The following BPTF variants were observed in gnomAD, a reference collection of about 807,000 sequenced individuals.
The protein encoded by BPTF is bromodomain PHD finger transcription factor, also known as nucleosome-remodeling factor subunit BPTF.
A neutral mutation model predicts 292.5 loss-of-function variants in BPTF; 18 were observed. The observed-to-expected ratio is 0.06, with a 90% CI of 0.04 to 0.09. The LOEUF (loss-of-function observed/expected upper bound fraction) is 0.09. Among genes scored for constraint, BPTF ranks in the 10% least tolerant of loss-of-function variants. BPTF has a pLI of 1.00. For synonymous variants in BPTF, 1,225 were observed against 1,251.9 expected, an observed-to-expected ratio of 0.98 and a Z score of 0.45; for missense variants, 2,726 against 3,498.7, an observed-to-expected ratio of 0.78 and a Z score of 5.57.
chr17:67,956,683 G>T (rs1201725923), intron 23 of BPTF: 1 of 149,720 alleles, frequency 6.7e-6, no homozygotes, highest in Non-Finnish European at 1.5e-5. Context: ...AAAAAAAACG[G>T]TCAGGCACAG....
chr17:67,918,669 T>C, intron 11 of BPTF, 45 bp from the exon 12 acceptor site: 1 of 1,552,044 alleles, frequency 6.4e-7, no homozygotes. Context: ...TATGTGTATG[T>C]ATATACATAT....
intron 15 of BPTF, among the ~76,000 whole-genome samples, chr17:67,926,316 CTTTTT>C (rs869295387): frequency 1.2e-5 from 1 of 83,856 alleles, no homozygotes; most frequent in Non-Finnish European, 2.3e-5. Flanking sequence ...TAATATACTA[CTTTTT>C]TTTTTTTTTT....
At chr17:67,976,001 A>G in intron 27 of BPTF, 43 bp downstream of exon 27, 1 of 1,497,124 alleles carries the variant, frequency 6.7e-7, no homozygotes, top group South Asian at 1.2e-5. Flanking sequence ...TCAACTCTTC[A>G]CACTCTTTAT....
Position 67,945,946 on chromosome 17 carries a change from T to C in BPTF, c.7238T>C (p.Val2413Ala). 1 of 1,614,122 alleles carries C rather than the reference T, an allele frequency of 6.2e-7. No homozygotes were observed. Among genetic ancestry groups the C allele is most frequent in the Non-Finnish European group, 8.5e-7 (1 of 1,180,018 alleles). ...TCATCAGGACAAACTTTAAATCAAG[T>C]TACTGTTTCATCCCCATCCCGTCCT... ...TLSSGQTLNQVTVSSPSRPQL... is the reference protein window; with the variant it reads ...TLSSGQTLNQATVSSPSRPQL... The change falls in exon 21 of 28, where the codon GTT becomes GCT. Residue 2413 changes from valine (V) to alanine (A), a missense_variant. Val to Ala is a moderately conservative substitution (Grantham distance 64). Around this residue, in one of 22 missense-constraint regions of BPTF, gnomAD observed 570 missense variants for 633.5 expected, o/e 0.90. Transcript: ENST00000306378.
intron 1 of BPTF, among the ~76,000 whole-genome samples, chr17:67,841,406 T>G (rs550701808): frequency 7.9e-5 from 12 of 152,216 alleles, no homozygotes; most frequent in Admixed American, 7.9e-4. Context: ...CGAAAATCTG[T>G]CTCAAATAAA....
Position 67,911,668 on chromosome 17 carries a change from A to G in BPTF, c.3784A>G (p.Asn1262Asp). 6.2e-7 allele frequency: 1 copy of G among 1,614,202 alleles called. No individual in the cohort carries two copies. Among genetic ancestry groups the G allele is most frequent in the Non-Finnish European group, 8.5e-7 (1 of 1,180,028 alleles). ...ACATTCATCAGTGCCTAAAAGTACC[A>G]ATGACAGAGATGCCACACCTCTGTC... ...ALHSSVPKST[N>D]DRDATPLSRA... Residue 1262 changes from asparagine to aspartate, a missense_variant, in exon 11 of 28, where the codon AAT becomes GAT. Transcript: ENST00000306378.
intron 23 of BPTF, 145 bp downstream of exon 23, chr17:67,948,451 C>T (rs1434755055): frequency 2.3e-5 from 17 of 743,660 alleles, no homozygotes; most frequent in Middle Eastern, 5.0e-4. Context: ...AGCAGTGCAG[C>T]GTGTGTGTCT....
chr17:67,905,570 G>A (rs776368365), intron 9 of BPTF, among the ~76,000 whole-genome samples: 3 of 151,832 alleles, frequency 2.0e-5, no homozygotes, highest in African/African-American at 4.8e-5. Context: ...TTAGCCAGGT[G>A]TAGTGCCACA....
Position 67,945,441 on chromosome 17 carries a change from C to T in BPTF, c.6733C>T (p.Pro2245Ser), listed in dbSNP as rs781975552. 1.9e-6 allele frequency: 3 copies of T among 1,613,898 alleles called. No homozygotes were observed. Among genetic ancestry groups the T allele is most frequent in the Non-Finnish European group, 8.5e-7 (1 of 1,179,920 alleles). The change falls in exon 21 of 28, where the codon CCC (proline) becomes TCC (serine). Residue 2245 changes from proline (P) to serine (S), a missense_variant. By Grantham distance (74) the Pro-to-Ser change is moderately conservative. Transcript: ENST00000306378. ...TGEQRQSKLSPQMQVHQDKTL... is the reference protein window; with the variant it reads ...TGEQRQSKLSSQMQVHQDKTL... The stretch of plus-strand genomic sequence containing the variant: ...TGAACAAAGGCAGAGTAAACTGTCA[C>T]CCCAGATGCAGGTACATCAAGACAA...
At chr17:67,928,143 C>G (rs2064073161) in intron 15 of BPTF, among the ~76,000 whole-genome samples, 1 of 152,098 alleles carries the variant, frequency 6.6e-6, no homozygotes, top group South Asian at 2.1e-4. Flanking sequence ...CTCAGCCTCC[C>G]AGAGTGCTAG....
rs544585659 is a variant in BPTF at position 67,826,333 on chromosome 17, T to G, written c.609T>G (p.Thr203=). ...GGAGCCATAGTACCTACAGCAGCAC[T>G]CCAGGTACCCACCCAGCCCAGTTGC... ...SFRSHSTYSS[T]PGRRKPRVHR... is the part of the protein sequence containing the mutation. Residue 203 remains threonine, a synonymous_variant, in exon 1 of 28, where the codon ACT becomes ACG. Transcript: ENST00000306378. The G allele has an allele frequency of 1.6e-5, 26 of 1,607,534 alleles. No homozygotes were observed. The East Asian group carries it at 5.8e-4, about 36-fold the overall frequency.
At chr17:67,952,631 C>T (rs1288576480) in intron 23 of BPTF, among the ~76,000 whole-genome samples, 1 of 152,128 alleles carries the variant, frequency 6.6e-6, no homozygotes, top group Non-Finnish European at 1.5e-5. Context: ...CCTCCCCCAC[C>T]CACACACAAT....
chr17:67,866,377 T>C, intron 2 of BPTF, 87 bp from the exon 3 acceptor site: 1 of 1,048,448 alleles, frequency 9.5e-7, no homozygotes. Flanking sequence ...GCATAAGCTT[T>C]GTTTTAAGTT....
chr17:67,973,262 T>C (rs1555692002), intron 26 of BPTF, among the ~76,000 whole-genome samples: 1 of 150,132 alleles, frequency 6.7e-6, no homozygotes, highest in African/African-American at 2.4e-5. Flanking sequence ...TAGTCCTAGC[T>C]ACTCCAGAGG....
chr17:67,913,841 G>T (rs1568056958), intron 11 of BPTF, among the ~76,000 whole-genome samples: 1 of 152,140 alleles, frequency 6.6e-6, no homozygotes, highest in Non-Finnish European at 1.5e-5. Context: ...TGTTGGGAAG[G>T]CACCTTAGAA....
chr17:67,970,711 T>C (rs1555690338), intron 26 of BPTF, among the ~76,000 whole-genome samples: 2 of 152,238 alleles, frequency 1.3e-5, no homozygotes, highest in Non-Finnish European at 2.9e-5. Flanking sequence ...GAAATAGGTT[T>C]AAATGAATTA....
intron 4 of BPTF, chr17:67,891,557 T>G: frequency 8.2e-6 from 2 of 244,336 alleles, no homozygotes; most frequent in Non-Finnish European, 1.5e-5. Flanking sequence ...CTTGTAAGTT[T>G]GTAGCAGCTC....
intron 23 of BPTF, among the ~76,000 whole-genome samples, chr17:67,948,849 G>A (rs1239230389): frequency 6.6e-6 from 1 of 152,162 alleles, no homozygotes; most frequent in Non-Finnish European, 1.5e-5. Context: ...TTAGCCAGAT[G>A]TGGTGGCACA....
At chr17:67,845,089 G>A (rs182861126) in intron 1 of BPTF, among the ~76,000 whole-genome samples, 1 of 152,256 alleles carries the variant, frequency 6.6e-6, no homozygotes, top group East Asian at 1.9e-4. Context: ...ACTTGTGATA[G>A]GAATGCTGTA....
Sources: allele counts gnomAD v4.1 joint callset (sites outside exome capture counted in the v4.1 genomes callset), GRCh38; gene constraint gnomAD v4.1.1; regional missense constraint gnomAD v4.1.1; transcripts MANE v1.5; gene names NCBI Gene and HGNC (gene_info 2026-07-23, HGNC 2026-07-21).